Variants in CDC123 observed in about 807,000 individuals in gnomAD.
The protein encoded by CDC123 is translation initiation factor eIF2 assembly protein.
Under a neutral mutation model 54.4 loss-of-function variants are expected in CDC123, and 37 were observed. That is an observed-to-expected ratio of 0.68 (90% CI 0.52 to 0.89). The LOEUF is 0.89. CDC123 is among the 40% of genes least tolerant of loss of function. CDC123 has a pLI of 0.00. For missense variants in CDC123, 361 were observed against 412.1 expected (o/e 0.88, Z 1.07); for synonymous variants, 144 against 136.8 (o/e 1.05, Z -0.37).
chr10:12,242,134 A>T (rs1205049545), intron 10 of CDC123, among the ~76,000 whole-genome samples: 1 of 152,210 alleles, frequency 6.6e-6, no homozygotes, highest in African/African-American at 2.4e-5. Flanking sequence ...CTCCAGCCAA[A>T]ATAACCTATT....
chr10:12,200,299 G>C (rs572952125), intron 2 of CDC123, among the ~76,000 whole-genome samples: 1 of 150,416 alleles, frequency 6.6e-6, no homozygotes, highest in East Asian at 2.0e-4. Context: ...GCTAATTTTT[G>C]TATTTTTAGT....
chr10:12,222,225 C>T (rs1454166789), intron 6 of CDC123, among the ~76,000 whole-genome samples: 1 of 152,256 alleles, frequency 6.6e-6, no homozygotes, highest in East Asian at 1.9e-4. Flanking sequence ...ACAGCTAGTG[C>T]TGTCTCCCTG....
chr10:12,227,101 C>A (rs552108308), intron 6 of CDC123, among the ~76,000 whole-genome samples: 1 of 152,150 alleles, frequency 6.6e-6, no homozygotes, highest in Non-Finnish European at 1.5e-5. Context: ...CAAAAAAATA[C>A]GAAAACCAGT....
At chr10:12,248,079 G>A (rs779300336) in intron 11 of CDC123, among the ~76,000 whole-genome samples, 2 of 152,186 alleles carry the variant, frequency 1.3e-5, no homozygotes, top group South Asian at 2.1e-4. Context: ...GAGAACCAGT[G>A]TTTATATTTT....
chr10:12,237,166 A>C lies in CDC123; in HGVS notation c.588A>C (p.Thr196=). ...CAGGTATTTCTCAAAGAGACTACAC[A>C]CAATACTATGATCATATTTCTAAAC... ...KLIGISQRDY[T]QYYDHISKQK... The change falls in exon 9 of 13, where the codon ACA becomes ACC. Residue 196 remains threonine, a synonymous_variant. Coordinates refer to ENST00000281141, the MANE Select transcript of CDC123 (RefSeq NM_006023.3). The C allele has an allele frequency of 6.4e-7, 1 of 1,559,926 alleles. No homozygotes were observed. Among genetic ancestry groups the C allele is most frequent in the Non-Finnish European group, 8.6e-7 (1 of 1,160,756 alleles).
chr10:12,223,465 T>C (rs1316146665), intron 6 of CDC123, among the ~76,000 whole-genome samples: 1 of 152,082 alleles, frequency 6.6e-6, no homozygotes, highest in South Asian at 2.1e-4. Context: ...TTTGTATTTT[T>C]AGTAGAGACA....
chr10:12,213,402 A>G (rs1308895483), intron 4 of CDC123, among the ~76,000 whole-genome samples: 2 of 152,180 alleles, frequency 1.3e-5, no homozygotes, highest in East Asian at 1.9e-4. Context: ...GAAATTGTAT[A>G]GAGTAGTTGC....
chr10:12,203,365 C>T (rs1835469227), intron 2 of CDC123, among the ~76,000 whole-genome samples: 2 of 152,204 alleles, frequency 1.3e-5, no homozygotes. Flanking sequence ...AGTGAATGAA[C>T]ATGCTTATCC....
intron 10 of CDC123, among the ~76,000 whole-genome samples, chr10:12,243,472 GAGTT>G (rs1255434339): frequency 6.7e-6 from 1 of 150,248 alleles, no homozygotes; most frequent in African/African-American, 2.4e-5. Context: ...AAAAAAAAAT[GAGTT>G]AGTTTTACTG....
In CDC123 at chr10:12,237,219, A is replaced by G. The variant is rs759181793; in HGVS notation, c.641A>G (p.Gln214Arg). The change falls in exon 9 of 13, where the codon CAA becomes CGA. Residue 214 changes from glutamine (Q) to arginine (R), a missense_variant. Coordinates refer to ENST00000281141, the MANE Select transcript of CDC123 (RefSeq NM_006023.3). ...AAGGAAGAAATTCGCAGATGCATACAAGACTTTTTCAAGAAACACATACAG... is the reference window on the plus strand; with the variant it reads ...AAGGAAGAAATTCGCAGATGCATACGAGACTTTTTCAAGAAACACATACAG... ...KQKEEIRRCIQDFFKKHIQYK... is the reference protein window; with the variant it reads ...KQKEEIRRCIRDFFKKHIQYK... 1.3e-6 allele frequency: 2 copies of G among 1,590,858 alleles called. No individual in the cohort carries two copies. The highest frequency in any genetic ancestry group is 1.2e-5 in the South Asian group (1 of 85,244).
intron 4 of CDC123, among the ~76,000 whole-genome samples, chr10:12,214,166 A>G (rs141298018): frequency 3.9e-5 from 6 of 152,278 alleles, no homozygotes; most frequent in African/African-American, 1.4e-4. Context: ...CATACATGAA[A>G]AGTAATCCTT....
In CDC123 at chr10:12,246,202, G is replaced by A. The variant is rs771358433; in HGVS notation, c.771G>A (p.Leu257=). The change falls in exon 11 of 13, where the codon CTG becomes CTA. Residue 257 remains leucine (L), a synonymous_variant. Transcript: ENST00000281141. ...CATTTGGTGAAGTCACAGATTCACTGCTGTTCACCTGGGAAGAACTGATAT... is the reference window on the plus strand; with the variant it reads ...CATTTGGTGAAGTCACAGATTCACTACTGTTCACCTGGGAAGAACTGATAT... ...FNPFGEVTDS[L]LFTWEELISE... 7.4e-6 allele frequency: 12 copies of A among 1,613,868 alleles called. No individual in the cohort carries two copies. In the South Asian group the frequency reaches 1.2e-4, roughly 16 times the overall value.
In CDC123 at chr10:12,243,192, A is replaced by G. The variant is rs537344449; in HGVS notation, c.718-2957A>G. On this transcript the variant is annotated intron_variant, in intron 10 of 12. Transcript: ENST00000281141. ...GGCGGGCAGATCACCTGAGTTTAAG[A>G]ATTGGAGACCAGCCTGACCAACATG... Among the ~76,000 whole-genome samples the G allele has an allele frequency of 6.6e-5, 10 of 151,706 alleles. 1 individual carries two copies. Among genetic ancestry groups the G allele is most frequent in the African/African-American group, 2.2e-4 (9 of 41,370 alleles).
chr10:12,206,823 G>A (rs543063346), intron 2 of CDC123, among the ~76,000 whole-genome samples: 118 of 152,146 alleles, frequency 7.8e-4, no homozygotes, highest in African/African-American at 2.7e-3. Context: ...GCCGGGTGTG[G>A]TGGCGGGCGC....
chr10:12,212,742 C>T (rs1382791943), intron 4 of CDC123, among the ~76,000 whole-genome samples: 2 of 152,178 alleles, frequency 1.3e-5, no homozygotes, highest in Non-Finnish European at 2.9e-5. Flanking sequence ...CCAGCTCATT[C>T]AGCCTCCCCA....
chr10:12,229,535 G>A (rs753262406), intron 6 of CDC123, among the ~76,000 whole-genome samples: 2 of 152,062 alleles, frequency 1.3e-5, no homozygotes, highest in Non-Finnish European at 2.9e-5. Flanking sequence ...CTTTAAATGC[G>A]GGCCCCTTCT....
chr10:12,241,978 G>C (rs1235595313), intron 10 of CDC123, among the ~76,000 whole-genome samples: 1 of 151,152 alleles, frequency 6.6e-6, no homozygotes. Flanking sequence ...TCTTGTTTCT[G>C]GCCCCGGGGG....
At chr10:12,201,645 G>A in intron 2 of CDC123, among the ~76,000 whole-genome samples, 1 of 151,984 alleles carries the variant, frequency 6.6e-6, no homozygotes, top group Middle Eastern at 3.2e-3. Context: ...ACATGGGGGA[G>A]GACAGTTAAG....
At chr10:12,245,643 TTC>T (rs1309129578) in intron 10 of CDC123, 1 of 143,660 alleles carries the variant, frequency 7.0e-6, no homozygotes, top group Non-Finnish European at 1.5e-5. Flanking sequence ...ACTGGGTCCC[TTC>T]TCTCTTCATT....
Sources: gnomAD v4.1 joint callset for allele counts (sites outside exome capture counted in the v4.1 genomes callset) on GRCh38, gnomAD v4.1.1 for gene constraint, MANE v1.5 for transcripts, NCBI Gene and HGNC (gene_info 2026-07-23, HGNC 2026-07-21) for gene names.